TECTA: variants seen among roughly 807,000 people sequenced by gnomAD.
The protein encoded by TECTA is alpha-tectorin.
In TECTA, 128 loss-of-function variants were observed where a neutral mutation model predicts 216.8. The ratio of observed to expected loss-of-function variants is 0.59; its 90% CI spans 0.51 to 0.68. TECTA has a LOEUF of 0.68. Ranked by LOEUF, TECTA falls within the 30% of genes least tolerant of loss-of-function variation. The probability of loss-of-function intolerance (pLI) is 0.00; values close to 1 mark genes in which losing one functional copy is unlikely to be tolerated. For synonymous variants in TECTA, 1,089 were observed against 1,117.1 expected (o/e 0.97, Z 0.50); for missense variants, 2,551 against 2,786.2 (o/e 0.92, Z 1.90).
At chr11:121,167,841 A>G (rs555404488) in intron 18 of TECTA, among the ~76,000 whole-genome samples, 6 of 152,242 alleles carry the variant, frequency 3.9e-5, no homozygotes, top group Non-Finnish European at 5.9e-5. Context: ...CGGGTATTCA[A>G]GGTTATCAGA....
rs1324567167 is a variant in TECTA, at chr11:121,160,276, A to G, written c.4831A>G (p.Ser1611Gly). ...TTTCAACGTCATTAAAATCAGCATC[A>G]GCGAGAGGCTGCAGAACAAAGTGTG... Reference protein sequence around the residue: ...NGFNVIKISISERLQNKVCGL... With the variant: ...NGFNVIKISIGERLQNKVCGL... The change falls in exon 15 of 24, where the codon AGC (serine) becomes GGC (glycine). Residue 1611 changes from serine to glycine, a missense_variant. Physicochemically the swap from Ser to Gly is moderately conservative, Grantham distance 56. Coordinates refer to ENST00000392793, the MANE Select transcript of TECTA (RefSeq NM_005422.4). 4 of 1,614,212 alleles carry G rather than the reference A, an allele frequency of 2.5e-6. No individual in the cohort carries two copies. The highest frequency in any genetic ancestry group is 3.4e-6 in the Non-Finnish European group (4 of 1,180,032).
chr11:121,122,255 A>C (rs1472949465), intron 7 of TECTA, among the ~76,000 whole-genome samples: 2 of 152,128 alleles, frequency 1.3e-5, no homozygotes, highest in African/African-American at 4.8e-5. Flanking sequence ...AGCCCTTATG[A>C]ATGGGATTAG....
At chr11:121,184,931 C>T (rs986820403) in intron 20 of TECTA, among the ~76,000 whole-genome samples, 1 of 152,200 alleles carries the variant, frequency 6.6e-6, no homozygotes, top group African/African-American at 2.4e-5. Flanking sequence ...ATGTTTCTTC[C>T]TCCTCTTTTT....
In TECTA at chr11:121,113,743, C is replaced by T. The variant is rs902882558; in HGVS notation, c.790+25C>T. 2.5e-6 allele frequency: 4 copies of T among 1,612,208 alleles called. No individual in the cohort carries two copies. Among genetic ancestry groups the T allele is most frequent in the Non-Finnish European group, 3.4e-6 (4 of 1,179,794 alleles). The stretch of plus-strand genomic sequence containing the variant: ...GGTAAAGCTTTTCCTCTGTCTGTGG[C>T]AAGGCAGGGTTTGTTTAGTGTAGAT... On this transcript the variant is annotated intron_variant, in intron 6 of 23. Coordinates refer to ENST00000392793, the MANE Select transcript of TECTA (RefSeq NM_005422.4). This position sits in a 1 kb window ranked among gnomAD's most constrained non-coding sequence, Gnocchi z 4.2.
At position 121,130,137 on chromosome 11, in the gene TECTA, CTG is replaced by C. The variant is rs749928405; in HGVS notation, c.2870_2871del (p.Val957GlyfsTer21). ...GGCAATGAGTCAGAGCTCTGTGACT[CTG>C]TGGCCCGGTATGCAAGCGCCTGCAA... On this transcript the variant is annotated frameshift_variant, in exon 10 of 24. Coordinates refer to ENST00000392793, the MANE Select transcript of TECTA (RefSeq NM_005422.4). LOFTEE classifies it high-confidence loss of function. The C allele has an allele frequency of 1.2e-6, 2 of 1,610,588 alleles. No individual in the cohort carries two copies. Among genetic ancestry groups the C allele is most frequent in the East Asian group, 2.2e-5 (1 of 44,888 alleles).
At chr11:121,102,857 A>G (rs1946359146) in intron 2 of TECTA, 128 bp downstream of exon 2, 2 of 819,846 alleles carry the variant, frequency 2.4e-6, no homozygotes, top group Non-Finnish European at 4.2e-6. Context: ...AGAAAAATGT[A>G]ATTAAATTCT....
In TECTA at chr11:121,128,032, C is replaced by T. The variant is rs750815123; in HGVS notation, c.2055C>T (p.Cys685=). The T allele has an allele frequency of 9.9e-6, 16 of 1,613,154 alleles. No individual in the cohort carries two copies. In the African/African-American group the frequency reaches 1.7e-4, roughly 17 times the overall value. The change falls in exon 9 of 24, where the codon TGC becomes TGT. Residue 685 remains cysteine (C), a synonymous_variant. Transcript: ENST00000392793. ...CLCEEGGDVY[C]FNKTCGSGEV... Reference sequence around the variant, plus strand: ...GCGAGGAGGGCGGGGACGTCTACTGCTTCAACAAGACCTGCGGCAGCGGGG... The same window carrying T: ...GCGAGGAGGGCGGGGACGTCTACTGTTTCAACAAGACCTGCGGCAGCGGGG...
chr11:121,158,677 A>G (rs1466782332), intron 14 of TECTA, among the ~76,000 whole-genome samples: 1 of 152,050 alleles, frequency 6.6e-6, no homozygotes, highest in Non-Finnish European at 1.5e-5. Flanking sequence ...AAAAACACCA[A>G]TCTGAGTAAA....
intron 14 of TECTA, among the ~76,000 whole-genome samples, chr11:121,159,170 G>C (rs1383220361): frequency 2.0e-5 from 3 of 152,194 alleles, no homozygotes; most frequent in Non-Finnish European, 4.4e-5. Flanking sequence ...TCCAGCATCA[G>C]GCAAAAGAGC....
In TECTA at chr11:121,125,307, T is replaced by C. The variant is rs775391689; in HGVS notation, c.1209T>C (p.Asn403=). Residue 403 remains asparagine (N), a synonymous_variant, in exon 8 of 24, where the codon AAT becomes AAC. Coordinates refer to ENST00000392793, the MANE Select transcript of TECTA (RefSeq NM_005422.4). ...PKGSYGRVKV[N]DLVTSLPVTL... is the part of the protein sequence containing the mutation. Reference sequence around the variant, plus strand: ...ACTATTACTGTTGTTGGCAGGTTAATGACCTAGTGACTTCTTTGCCTGTCA... The same window carrying C: ...ACTATTACTGTTGTTGGCAGGTTAACGACCTAGTGACTTCTTTGCCTGTCA... 1 of 1,613,096 alleles carries C rather than the reference T, an allele frequency of 6.2e-7. No individual in the cohort carries two copies. The highest frequency in any genetic ancestry group is 8.5e-7 in the Non-Finnish European group (1 of 1,180,016).
chr11:121,163,135 C>T (rs538945186), intron 16 of TECTA, among the ~76,000 whole-genome samples: 9 of 152,190 alleles, frequency 5.9e-5, no homozygotes, highest in African/African-American at 2.2e-4. Context: ...ATACAGGTAC[C>T]ACTGTGAAAA....
rs150512674 is a variant in TECTA at position 121,137,582 on chromosome 11, G to A, written c.3103G>A (p.Glu1035Lys). Reference sequence around the variant, plus strand: ...GGGCAGCCAGTGTGTCACGCGGAGTGAGTGTGGCTGCAACTTTGAGGGGCA... The same window carrying A: ...GGGCAGCCAGTGTGTCACGCGGAGTAAGTGTGGCTGCAACTTTGAGGGGCA... ...LLGSQCVTRS[E>K]CGCNFEGHQL... The change falls in exon 11 of 24, where the codon GAG (glutamate) becomes AAG (lysine). Residue 1035 changes from glutamate to lysine, a missense_variant. By Grantham distance (56) the Glu-to-Lys change is moderately conservative. Around this residue, in one of 3 missense-constraint regions of TECTA, gnomAD observed 2,375 missense variants for 2,563.9 expected, o/e 0.93. Transcript: ENST00000392793. 5.6e-5 allele frequency: 91 copies of A among 1,614,018 alleles called. No homozygotes were observed. In the African/African-American group the frequency reaches 9.5e-4, roughly 17 times the overall value.
chr11:121,188,026 C>A (rs1947304759), intron 21 of TECTA, 32 bp downstream of exon 21: 1 of 1,612,774 alleles, frequency 6.2e-7, no homozygotes, highest in African/African-American at 1.3e-5. Flanking sequence ...AAGTGCTTAG[C>A]CTTATTTCTC....
At chr11:121,178,517 A>AGTGTGT (rs3222565) in intron 20 of TECTA, among the ~76,000 whole-genome samples, 29,820 of 126,924 alleles carry the variant, frequency 0.23, 3,662 homozygotes, top group Admixed American at 0.31. Flanking sequence ...GCTTGTAGTT[A>AGTGTGT]GTGTGTGTGT....
In TECTA at chr11:121,190,870, A is replaced by G. The variant is rs1947334480; in HGVS notation, c.*64A>G. On this transcript the variant is annotated 3_prime_UTR_variant, in exon 24 of 24. Coordinates refer to ENST00000392793, the MANE Select transcript of TECTA (RefSeq NM_005422.4). The stretch of plus-strand genomic sequence containing the variant: ...TACTTCAACACCCTGTAGGATAAAA[A>G]GTGTGTGCCCTTAAGTCAAAACCTA... 5.5e-6 allele frequency: 7 copies of G among 1,265,978 alleles called. No individual in the cohort carries two copies. Among genetic ancestry groups the G allele is most frequent in the Non-Finnish European group, 7.9e-6 (7 of 884,676 alleles). 78.4% of individuals were successfully genotyped at this position (1,265,978 alleles called of 1,614,324 possible). A position where few individuals can be genotyped will look rare whatever the true frequency, so the allele number is the denominator to read the frequency against.
intron 22 of TECTA, among the ~76,000 whole-genome samples, 199 bp from the exon 23 acceptor site, chr11:121,189,565 G>A (rs941893020): frequency 2.6e-5 from 4 of 152,056 alleles, no homozygotes; most frequent in African/African-American, 7.2e-5. Flanking sequence ...TAGTAGAGAC[G>A]GGGTTTCACT....
intron 12 of TECTA, 40 bp downstream of exon 12, chr11:121,146,156 T>C (rs1946836993): frequency 1.3e-6 from 2 of 1,596,926 alleles, no homozygotes; most frequent in Middle Eastern, 2.0e-4. Flanking sequence ...GCTTCTCCTC[T>C]TTCTTGATTG....
At chr11:121,172,461 A>G (rs1049752859) in intron 20 of TECTA, among the ~76,000 whole-genome samples, 1 of 151,910 alleles carries the variant, frequency 6.6e-6, no homozygotes, top group Non-Finnish European at 1.5e-5. Context: ...TTCTTGTGAT[A>G]GTTTACTGAG....
chr11:121,134,468 G>A (rs1361331450), intron 10 of TECTA, among the ~76,000 whole-genome samples: 2 of 152,134 alleles, frequency 1.3e-5, no homozygotes, highest in Non-Finnish European at 2.9e-5. Context: ...CCCGGGGAGG[G>A]ACTAATAGCA....
Sources: allele counts gnomAD v4.1 joint callset (sites outside exome capture counted in the v4.1 genomes callset), GRCh38; gene constraint gnomAD v4.1.1; regional missense constraint gnomAD v4.1.1; non-coding constraint Gnocchi (gnomAD v3.1); transcripts MANE v1.5; gene names NCBI Gene and HGNC (gene_info 2026-07-23, HGNC 2026-07-21).